CDH11: variants seen among roughly 807,000 people sequenced by gnomAD.
CDH11 encodes cadherin-11.
A neutral mutation model predicts 67.8 loss-of-function variants in CDH11; 11 were observed. The ratio of observed to expected loss-of-function variants is 0.16; its 90% CI spans 0.10 to 0.27. CDH11 has a LOEUF of 0.27. Among genes scored for constraint, CDH11 ranks in the 10% least tolerant of loss-of-function variants. The pLI is 1.00. For synonymous variants in CDH11, 419 were observed against 400.0 expected (o/e 1.05, Z -0.57); for missense variants, 847 against 1,031.2 (o/e 0.82, Z 2.45).
intron 11 of CDH11, among the ~76,000 whole-genome samples, chr16:64,951,536 T>C (rs1454006486): frequency 1.3e-5 from 2 of 151,996 alleles, no homozygotes; most frequent in African/African-American, 4.8e-5. Context: ...TGAAGGAAAT[T>C]CCCTTTAAAG....
chr16:64,958,374 A>T (rs1406712090), intron 11 of CDH11, among the ~76,000 whole-genome samples: 1 of 149,456 alleles, frequency 6.7e-6, no homozygotes, highest in Non-Finnish European at 1.5e-5. Context: ...GCTTTTGCTA[A>T]ATATCTTCAT....
Position 64,945,967 on chromosome 16 carries a change from T to G in CDH11, c.*1636A>C. ...TCTTTCCCCAAGTATTGCTACGTTT[T>G]GACCTTTGGCCCAACTGAACAGGTG... On this transcript the variant is annotated 3_prime_UTR_variant, in exon 13 of 13. Transcript: ENST00000268603. 9.4e-7 allele frequency: 1 copy of G among 1,058,416 alleles called. No homozygotes were observed. The highest frequency in any genetic ancestry group is 1.1e-6 in the Non-Finnish European group (1 of 874,974). 65.6% of individuals were successfully genotyped at this position (1,058,416 alleles called of 1,614,324 possible). A position where few individuals can be genotyped will look rare whatever the true frequency, so the allele number is the denominator to read the frequency against.
At position 64,991,849 on chromosome 16, in the gene CDH11, G is replaced by A. The variant is rs1009453346; in HGVS notation, c.730C>T (p.His244Tyr). ...GTTGTCCCTGAGAGTCCGCCCATAT[G>A]TCCACCCATGTCCTTGGCCTGGATC... ...VVIQAKDMGG[H>Y]MGGLSGTTKV... The change falls in exon 6 of 13, where the codon CAT (histidine) becomes TAT (tyrosine). Residue 244 changes from histidine (H) to tyrosine (Y), a missense_variant. Transcript: ENST00000268603. 1.9e-6 allele frequency: 3 copies of A among 1,613,746 alleles called. No individual in the cohort carries two copies. Among genetic ancestry groups the A allele is most frequent in the Non-Finnish European group, 2.5e-6 (3 of 1,179,684 alleles).
At chr16:65,105,823 G>A (rs1031304270) in intron 1 of CDH11, among the ~76,000 whole-genome samples, 4 of 152,136 alleles carry the variant, frequency 2.6e-5, no homozygotes, top group African/African-American at 4.8e-5. Context: ...GTAAAAACAG[G>A]GGAAACAATA....
chr16:65,123,400 C>T (rs541181492), upstream of CDH11, among the ~76,000 whole-genome samples: 2 of 151,846 alleles, frequency 1.3e-5, no homozygotes, highest in Non-Finnish European at 1.5e-5. Context: ...GAAAGCTGGG[C>T]GCCACAGCCA....
At chr16:65,071,709 G>A (rs986061342) in intron 1 of CDH11, among the ~76,000 whole-genome samples, 15 of 152,146 alleles carry the variant, frequency 9.9e-5, no homozygotes, top group Non-Finnish European at 4.4e-5. Context: ...CCTGACATGC[G>A]GATCAACAGT....
intron 1 of CDH11, among the ~76,000 whole-genome samples, chr16:65,061,347 T>C (rs2074234113): frequency 6.6e-6 from 1 of 152,224 alleles, no homozygotes; most frequent in African/African-American, 2.4e-5. Flanking sequence ...ATTTAAAAGA[T>C]TGAAAATACC....
intron 11 of CDH11, among the ~76,000 whole-genome samples, chr16:64,957,265 C>A (rs933631948): frequency 2.0e-5 from 3 of 152,248 alleles, no homozygotes; most frequent in Middle Eastern, 3.4e-3. Context: ...GACATTCTAT[C>A]TTATGAAAAA....
At chr16:64,988,004 A>T in intron 7 of CDH11, 153 bp downstream of exon 7, 1 of 574,582 alleles carries the variant, frequency 1.7e-6, no homozygotes, top group Non-Finnish European at 3.1e-6. Context: ...CAATTCTGTG[A>T]TCTTCCAGAG....
intron 11 of CDH11, among the ~76,000 whole-genome samples, chr16:64,965,545 T>A (rs1025525898): frequency 6.6e-6 from 1 of 152,174 alleles, no homozygotes; most frequent in African/African-American, 2.4e-5. Context: ...TCTTCTATGG[T>A]AACAATGCCT....
chr16:65,044,114 C>T (rs765177882), intron 2 of CDH11, among the ~76,000 whole-genome samples: 7 of 152,186 alleles, frequency 4.6e-5, no homozygotes, highest in Non-Finnish European at 1.0e-4. Flanking sequence ...TGCCAAAGCT[C>T]TCAGCAGCAG....
rs556016483 is a variant in CDH11, at chr16:64,946,781, T to TA, written c.*821dup. On this transcript the variant is annotated 3_prime_UTR_variant, in exon 13 of 13. Coordinates refer to ENST00000268603, the MANE Select transcript of CDH11 (RefSeq NM_001797.4). Reference sequence around the variant, plus strand: ...CAATGTTAAGAATCAAACCCAGAATTAAAAAAAAATCTTTTTTTATTTCAA... The same window carrying TA: ...CAATGTTAAGAATCAAACCCAGAATTAAAAAAAAAATCTTTTTTTATTTCAA... 130 of 881,714 alleles carry TA rather than the reference T, an allele frequency of 1.5e-4. No individual in the cohort carries two copies. Among genetic ancestry groups the TA allele is most frequent in the Middle Eastern group, 5.3e-4 (1 of 1,874 alleles). 54.6% of individuals were successfully genotyped at this position (881,714 alleles called of 1,614,324 possible).
intron 2 of CDH11, among the ~76,000 whole-genome samples, chr16:65,041,445 A>G (rs1194673163): frequency 6.6e-6 from 1 of 152,002 alleles, no homozygotes; most frequent in African/African-American, 2.4e-5. Context: ...TGAACTGTCC[A>G]GTCGAGTGTA....
chr16:65,050,720 G>T, intron 2 of CDH11, among the ~76,000 whole-genome samples: 1 of 151,538 alleles, frequency 6.6e-6, no homozygotes, highest in African/African-American at 2.4e-5. Flanking sequence ...ACCAGCCTTG[G>T]AGTAATTTAC....
At chr16:65,024,989 T>C (rs1173778976) in intron 2 of CDH11, among the ~76,000 whole-genome samples, 1 of 152,194 alleles carries the variant, frequency 6.6e-6, no homozygotes, top group African/African-American at 2.4e-5. Flanking sequence ...AATGAAACCA[T>C]GTCTGATATC....
At chr16:65,081,701 T>A (rs1371979100) in intron 1 of CDH11, among the ~76,000 whole-genome samples, 1 of 152,206 alleles carries the variant, frequency 6.6e-6, no homozygotes, top group Admixed American at 6.5e-5. Flanking sequence ...AACCTGAGTT[T>A]TGTTTTTGTT....
chr16:65,063,780 G>GT (rs1394890533), intron 1 of CDH11, among the ~76,000 whole-genome samples: 1 of 152,202 alleles, frequency 6.6e-6, no homozygotes, highest in Admixed American at 6.5e-5. Flanking sequence ...TCCTTATCCA[G>GT]TAAGTAAATG....
upstream of CDH11, chr16:65,122,323 C>G: frequency 3.4e-6 from 1 of 293,796 alleles, no homozygotes; most frequent in South Asian, 3.2e-5. Flanking sequence ...CCTCCCGCCC[C>G]GTGGCGCGGC....
At chr16:65,107,741 T>C (rs1406421104) in intron 1 of CDH11, among the ~76,000 whole-genome samples, 3 of 152,196 alleles carry the variant, frequency 2.0e-5, no homozygotes, top group African/African-American at 7.2e-5. Flanking sequence ...TGTGCTTGTC[T>C]CCATGATTCC....
Sources: allele counts gnomAD v4.1 joint callset (sites outside exome capture counted in the v4.1 genomes callset), GRCh38; gene constraint gnomAD v4.1.1; transcripts MANE v1.5; gene names NCBI Gene and HGNC (gene_info 2026-07-23, HGNC 2026-07-21).